The following TEX14 variants were observed in gnomAD, a reference collection of about 807,000 sequenced individuals.
TEX14 encodes inactive serine/threonine-protein kinase TEX14.
TEX14 carries 168 observed loss-of-function variants against 178.6 expected under a neutral mutation model. The observed-to-expected ratio is 0.94, with a 90% CI of 0.83 to 1.07. The LOEUF is 1.07. Ranked by LOEUF, TEX14 falls within the 50% of genes least tolerant of loss-of-function variation. The pLI is 0.00. For missense variants in TEX14, 1,730 were observed against 1,753.6 expected, an observed-to-expected ratio of 0.99 and a Z score of 0.24; for synonymous variants, 626 against 634.1, an observed-to-expected ratio of 0.99 and a Z score of 0.19.
At chr17:58,660,492 AG>A (rs757085059) in intron 1 of TEX14, 3 of 698,458 alleles carry the variant, frequency 4.3e-6, no homozygotes, top group Non-Finnish European at 7.9e-6. Context: ...ACACAGCTGT[AG>A]GGGAGCTCAG....
chr17:58,607,219 AG>A (rs1237779546), intron 10 of TEX14, among the ~76,000 whole-genome samples: 1 of 152,110 alleles, frequency 6.6e-6, no homozygotes, highest in Non-Finnish European at 1.5e-5. Flanking sequence ...CTTTCAAAGA[AG>A]GGTATGTTGT....
chr17:58,685,712 C>T lies in TEX14; in HGVS notation c.-2+6227G>A, dbSNP rs555825729. Among the ~76,000 whole-genome samples the T allele has an allele frequency of 1.3e-4, 19 of 151,852 alleles. No individual in the cohort carries two copies. The South Asian group carries it at 1.9e-3, about 15-fold the overall frequency. ...TCTTTATCCTAAGAGCAAAATAAGG[C>T]GAGGTGCGGTGCCTCATGCCTGTAA... is the stretch of plus-strand genomic sequence containing the variant. On this transcript the variant is annotated intron_variant, in intron 1 of 31. Transcript: ENST00000349033.
chr17:58,675,979 A>G (rs966920156), intron 1 of TEX14, among the ~76,000 whole-genome samples: 1 of 152,088 alleles, frequency 6.6e-6, no homozygotes, highest in Non-Finnish European at 1.5e-5. Context: ...TGGCTCACAC[A>G]TGTATATCCC....
chr17:58,581,581 A>G (rs1270714048), intron 19 of TEX14: 1 of 1,608,290 alleles, frequency 6.2e-7, no homozygotes, highest in Non-Finnish European at 8.5e-7. Flanking sequence ...AAAGGTGAAA[A>G]GGTACTTTAC....
At chr17:58,617,387 A>T in intron 6 of TEX14, 151 bp downstream of exon 6, 1 of 576,958 alleles carries the variant, frequency 1.7e-6, no homozygotes, top group Non-Finnish European at 3.1e-6. Flanking sequence ...CAGGAACACT[A>T]AGAGATACCT....
intron 1 of TEX14, among the ~76,000 whole-genome samples, chr17:58,682,722 G>A (rs1404702311): frequency 6.6e-6 from 1 of 152,168 alleles, no homozygotes; most frequent in Non-Finnish European, 1.5e-5. Flanking sequence ...ACAAGTCCCA[G>A]TTTCAATGTT....
intron 20 of TEX14, 61 bp downstream of exon 20, chr17:58,579,604 A>G (rs1345159623): frequency 1.4e-6 from 2 of 1,402,114 alleles, no homozygotes; most frequent in East Asian, 4.6e-5. Context: ...AACATCTGTG[A>G]TCCAACAGAA....
intron 9 of TEX14, among the ~76,000 whole-genome samples, chr17:58,611,695 A>G (rs1296634849): frequency 6.6e-6 from 1 of 152,238 alleles, no homozygotes; most frequent in Non-Finnish European, 1.5e-5. Flanking sequence ...CTCCCTGTCC[A>G]AGCCCAAGCT....
At position 58,688,507 on chromosome 17, in the gene TEX14, G is replaced by C. The variant is rs140973519; in HGVS notation, c.-2+3432C>G. Among the ~76,000 whole-genome samples the C allele has an allele frequency of 1.4e-4, 22 of 152,264 alleles. No individual in the cohort carries two copies. In the East Asian group the frequency reaches 3.3e-3, roughly 23 times the overall value. ...AAGGATTTATTCCAACTGAATATGC[G>C]CATTAGAATGCTGTAAAAACTGAGA... On this transcript the variant is annotated intron_variant, in intron 1 of 31. Transcript: ENST00000349033.
intron 1 of TEX14, among the ~76,000 whole-genome samples, chr17:58,665,533 T>C (rs1490574059): frequency 6.6e-6 from 1 of 151,520 alleles, no homozygotes; most frequent in African/African-American, 2.4e-5. Flanking sequence ...GAGGCGGAGG[T>C]TGCAGTGAGC....
chr17:58,659,234 A>G (rs1044683303), intron 1 of TEX14: 21 of 528,448 alleles, frequency 4.0e-5, no homozygotes, highest in Non-Finnish European at 4.9e-5. Context: ...GAGCAAACAC[A>G]TAGTAAAAAC....
intron 1 of TEX14, among the ~76,000 whole-genome samples, chr17:58,662,843 G>A (rs1331684485): frequency 6.6e-6 from 1 of 152,176 alleles, no homozygotes; most frequent in Non-Finnish European, 1.5e-5. Flanking sequence ...AATGTGACCG[G>A]GCGCGGTGGC....
At chr17:58,690,408 T>C (rs971843907) in intron 1 of TEX14, among the ~76,000 whole-genome samples, 3 of 152,150 alleles carry the variant, frequency 2.0e-5, no homozygotes, top group African/African-American at 7.2e-5. Context: ...TCAAGCGATG[T>C]GCCCTCTTTG....
At chr17:58,565,422 C>T (rs2044376322) in intron 27 of TEX14, among the ~76,000 whole-genome samples, 1 of 152,204 alleles carries the variant, frequency 6.6e-6, no homozygotes, top group Non-Finnish European at 1.5e-5. Flanking sequence ...TTTACATATG[C>T]TATCTCATTC....
At chr17:58,581,502 A>G (rs1419598965) in intron 19 of TEX14, 1 of 1,268,694 alleles carries the variant, frequency 7.9e-7, no homozygotes, top group Non-Finnish European at 1.1e-6. Flanking sequence ...GGTATAAAAA[A>G]TCCTGGTAGA....
At chr17:58,563,573 G>T (rs188373330) in intron 28 of TEX14, among the ~76,000 whole-genome samples, 1 of 142,210 alleles carries the variant, frequency 7.0e-6, no homozygotes, top group African/African-American at 2.6e-5. Flanking sequence ...GATCACTTGA[G>T]CCTAGGACTT....
At chr17:58,683,369 TCC>T (rs199538244) in intron 1 of TEX14, among the ~76,000 whole-genome samples, 1 of 124,858 alleles carries the variant, frequency 8.0e-6, no homozygotes, top group Non-Finnish European at 1.6e-5. Context: ...CAAGACTCCA[TCC>T]CCCCCCCCAA....
intron 10 of TEX14, among the ~76,000 whole-genome samples, chr17:58,610,554 T>C (rs1010711607): frequency 1.2e-4 from 19 of 152,092 alleles, no homozygotes; most frequent in Non-Finnish European, 1.8e-4. Context: ...ACAGATTGGA[T>C]TGCAATGTGA....
chr17:58,636,418 G>A (rs1026070873), intron 2 of TEX14, among the ~76,000 whole-genome samples: 4 of 151,972 alleles, frequency 2.6e-5, no homozygotes, highest in African/African-American at 4.8e-5. Context: ...CCTAACCTGT[G>A]AGCCTCCTAG....
Sources: gnomAD v4.1 joint callset for allele counts (sites outside exome capture counted in the v4.1 genomes callset) on GRCh38, gnomAD v4.1.1 for gene constraint, MANE v1.5 for transcripts, NCBI Gene and HGNC (gene_info 2026-07-23, HGNC 2026-07-21) for gene names.